Variants in APBA1 observed in about 807,000 individuals in gnomAD.
APBA1 encodes amyloid beta precursor protein binding family A member 1.
A neutral mutation model predicts 86.6 loss-of-function variants in APBA1; 55 were observed. That is an observed-to-expected ratio of 0.64 (90% CI 0.51 to 0.80). The LOEUF is 0.80. Among genes scored for constraint, APBA1 ranks in the 30% least tolerant of loss-of-function variants. APBA1 has a pLI of 0.00. For synonymous variants in APBA1, 511 were observed against 493.9 expected (o/e 1.03, Z -0.46); for missense variants, 1,090 against 1,183.0 (o/e 0.92, Z 1.15).
intron 10 of APBA1, among the ~76,000 whole-genome samples, chr9:69,448,742 G>A (rs1588289760): frequency 6.6e-6 from 1 of 152,190 alleles, no homozygotes; most frequent in East Asian, 1.9e-4. Flanking sequence ...AACCCCTACA[G>A]GACCCCAAAA....
intron 1 of APBA1, among the ~76,000 whole-genome samples, chr9:69,671,621 G>T (rs577538507): frequency 6.6e-6 from 1 of 152,146 alleles, no homozygotes; most frequent in South Asian, 2.1e-4. Flanking sequence ...AACCACACGC[G>T]TACACACACA....
intron 2 of APBA1, among the ~76,000 whole-genome samples, chr9:69,491,861 T>C (rs1195309791): frequency 1.3e-5 from 2 of 150,768 alleles, no homozygotes; most frequent in African/African-American, 4.9e-5. Context: ...GCCTCCCAGG[T>C]TCAAGCGATT....
At chr9:69,558,683 C>T (rs748673240) in intron 1 of APBA1, among the ~76,000 whole-genome samples, 17 of 151,738 alleles carry the variant, frequency 1.1e-4, no homozygotes, top group South Asian at 2.1e-4. Context: ...CAGATTATTT[C>T]GTCACCCAGA....
At chr9:69,432,708 T>G (rs1834626188) in intron 11 of APBA1, 32 bp from the exon 12 acceptor site, 1 of 1,506,986 alleles carries the variant, frequency 6.6e-7, no homozygotes, top group Admixed American at 2.0e-5. Flanking sequence ...TTACCCTCAT[T>G]GCAGACAGTG....
At chr9:69,440,282 C>T (rs145405999) in intron 11 of APBA1, among the ~76,000 whole-genome samples, 8,645 of 152,254 alleles carry the variant, frequency 0.057, 828 homozygotes, top group African/African-American at 0.2. Flanking sequence ...AAGCTGTGTG[C>T]TGGGAGAACC....
At chr9:69,439,022 T>C (rs1192922803) in intron 11 of APBA1, among the ~76,000 whole-genome samples, 7 of 12,442 alleles carry the variant, frequency 5.6e-4, no homozygotes, top group African/African-American at 2.6e-3. Flanking sequence ...TGTACTTTAT[T>C]TCTCCTTCAC....
chr9:69,659,206 C>T (rs1011906337), intron 1 of APBA1, among the ~76,000 whole-genome samples: 3 of 152,058 alleles, frequency 2.0e-5, no homozygotes, highest in Non-Finnish European at 4.4e-5. Flanking sequence ...AGACAATCAA[C>T]GATAAGCAGA....
intron 1 of APBA1, among the ~76,000 whole-genome samples, chr9:69,615,594 G>C (rs1446334639): frequency 1.3e-5 from 2 of 152,126 alleles, no homozygotes; most frequent in African/African-American, 4.8e-5. Flanking sequence ...AGCCTCAATA[G>C]ATTTTAAATC....
intron 2 of APBA1, among the ~76,000 whole-genome samples, chr9:69,482,467 G>A (rs968694454): frequency 1.3e-5 from 2 of 151,026 alleles, no homozygotes; most frequent in African/African-American, 4.9e-5. Flanking sequence ...AAAAAGTCAG[G>A]AAACAATGGG....
In APBA1 at chr9:69,440,998, T is replaced by C; in HGVS notation, c.2299A>G (p.Ile767Val). The change falls in exon 11 of 13, where the codon ATT becomes GTT. Residue 767 changes from isoleucine to valine, a missense_variant and splice_region_variant. Physicochemically the swap from Ile to Val is conservative, Grantham distance 29. Coordinates refer to ENST00000265381, the MANE Select transcript of APBA1 (RefSeq NM_001163.4). ...YQLGFSVQNG[I>V]ICSLMRGGIA... Reference sequence around the variant, plus strand: ...GGTGTGGAAGGTGTTCTACTTACAATTCCATTCTGGACGCTGAAACCGAGC... The same window carrying C: ...GGTGTGGAAGGTGTTCTACTTACAACTCCATTCTGGACGCTGAAACCGAGC... 6.2e-7 allele frequency: 1 copy of C among 1,613,602 alleles called. No individual in the cohort carries two copies.
At chr9:69,495,556 A>T (rs1835780982) in intron 2 of APBA1, among the ~76,000 whole-genome samples, 1 of 152,128 alleles carries the variant, frequency 6.6e-6, no homozygotes, top group African/African-American at 2.4e-5. Flanking sequence ...TCCGACCCTC[A>T]CATTAACCCC....
intron 1 of APBA1, among the ~76,000 whole-genome samples, chr9:69,623,344 ATTTTCTTTT>A (rs972873093): frequency 1.4e-4 from 21 of 148,168 alleles, no homozygotes; most frequent in Non-Finnish European, 2.7e-4. Context: ...TCTCCTATAG[ATTTTCTTTT>A]TTTTCTTTTT....
At chr9:69,618,846 G>A (rs1822759548) in intron 1 of APBA1, among the ~76,000 whole-genome samples, 1 of 152,218 alleles carries the variant, frequency 6.6e-6, no homozygotes, top group Non-Finnish European at 1.5e-5. Flanking sequence ...AGAGGCAGAA[G>A]AAATGGATTT....
At chr9:69,618,872 C>T (rs975137128) in intron 1 of APBA1, among the ~76,000 whole-genome samples, 1 of 152,154 alleles carries the variant, frequency 6.6e-6, no homozygotes, top group Admixed American at 6.5e-5. Flanking sequence ...GTAACCCTGC[C>T]CCCTACTAGC....
At position 69,516,660 on chromosome 9, in the gene APBA1, G is replaced by C; in HGVS notation, c.551C>G (p.Ser184Cys). Residue 184 changes from serine (S) to cysteine (C), a missense_variant, in exon 2 of 13, where the codon TCC becomes TGC. Physicochemically the swap from Ser to Cys is moderately radical, Grantham distance 112 (BLOSUM62 -1). Coordinates refer to ENST00000265381, the MANE Select transcript of APBA1 (RefSeq NM_001163.4). The surrounding 1 kb of genome is among the most constrained non-coding windows in gnomAD (Gnocchi z 7.3). ...LFHRGEDEPYSEPYADYGGLQ... is the reference protein window; with the variant it reads ...LFHRGEDEPYCEPYADYGGLQ... ...GCCGCCGTAGTCGGCATAGGGCTCG[G>C]AGTAGGGCTCGTCCTCACCGCGGTG... The C allele has an allele frequency of 6.2e-7, 1 of 1,609,666 alleles. No individual in the cohort carries two copies. The highest frequency in any genetic ancestry group is 8.5e-7 in the Non-Finnish European group (1 of 1,179,092).
chr9:69,661,126 A>G (rs1823745445), intron 1 of APBA1, among the ~76,000 whole-genome samples: 1 of 152,260 alleles, frequency 6.6e-6, no homozygotes, highest in Non-Finnish European at 1.5e-5. Context: ...GTTGAAATAC[A>G]GTCACACTAA....
intron 1 of APBA1, among the ~76,000 whole-genome samples, chr9:69,631,650 C>A (rs1450424171): frequency 6.6e-6 from 1 of 152,192 alleles, no homozygotes; most frequent in South Asian, 2.1e-4. Context: ...AGACTTGGAA[C>A]CAATCCAAAT....
At chr9:69,610,412 C>T (rs886677809) in intron 1 of APBA1, among the ~76,000 whole-genome samples, 9 of 152,066 alleles carry the variant, frequency 5.9e-5, no homozygotes, top group Admixed American at 5.2e-4. Context: ...TTCTGGTATA[C>T]GAACAATGTC....
At chr9:69,539,166 T>C (rs949497928) in intron 1 of APBA1, among the ~76,000 whole-genome samples, 2 of 152,230 alleles carry the variant, frequency 1.3e-5, no homozygotes, top group African/African-American at 4.8e-5. Context: ...GGTGATCACA[T>C]GAAGGCTCAT....
Sources: gnomAD v4.1 joint callset for allele counts (sites outside exome capture counted in the v4.1 genomes callset) on GRCh38, gnomAD v4.1.1 for gene constraint, Gnocchi (gnomAD v3.1) non-coding constraint, MANE v1.5 for transcripts, NCBI Gene and HGNC (gene_info 2026-07-23, HGNC 2026-07-21) for gene names.